VWA8: variants seen among roughly 807,000 people sequenced by gnomAD.
VWA8 encodes the protein von Willebrand factor A domain-containing protein 8.
In VWA8, 221 loss-of-function variants were observed where a neutral mutation model predicts 241.5. The ratio of observed to expected loss-of-function variants is 0.91; its 90% CI spans 0.82 to 1.02. The LOEUF is 1.02. VWA8 is among the 50% of genes least tolerant of loss of function. The pLI is 0.00. For synonymous variants in VWA8, 852 were observed against 827.1 expected (o/e 1.03, Z -0.52); for missense variants, 2,322 against 2,328.7 (o/e 1.00, Z 0.06).
rs2045486146 is a variant in VWA8, at chr13:41,731,817, C to T, written c.2502+263G>A. On this transcript the variant is annotated intron_variant, in intron 22 of 44. Transcript: ENST00000379310. ...GGTTTTACGAGGGGAAACCCCATTG[C>T]TTGGTTCTCATTCTCTCTTGCCTGC... 2.0e-5 allele frequency among the ~76,000 whole-genome samples: 3 copies of T among 152,152 alleles called. No homozygotes were observed. In the South Asian group the frequency reaches 6.2e-4, roughly 32 times the overall value.
rs188890967 is a variant in VWA8 at position 41,710,164 on chromosome 13, A to G, written c.3117-6753T>C. ...ACGGCAATTTGCAAACTACTATGGT[A>G]AATTTTCCCTTTGCATTCTGATTAC... On this transcript the variant is annotated intron_variant, in intron 26 of 44. Transcript: ENST00000379310. 2.6e-5 allele frequency among the ~76,000 whole-genome samples: 4 copies of G among 152,300 alleles called. No individual in the cohort carries two copies. In the East Asian group the frequency reaches 7.7e-4, roughly 29 times the overall value.
At chr13:41,655,087 G>A (rs1398736031) in intron 37 of VWA8, among the ~76,000 whole-genome samples, 1 of 150,686 alleles carries the variant, frequency 6.6e-6, no homozygotes, top group African/African-American at 2.5e-5. Context: ...AGGAAAAACT[G>A]AAATTTTTTT....
rs569702896 is a variant in VWA8 at position 41,921,197 on chromosome 13, T to A, written c.242-9029A>T. Among the ~76,000 whole-genome samples the A allele has an allele frequency of 3.3e-5, 5 of 152,302 alleles. No individual in the cohort carries two copies. The East Asian group carries it at 9.7e-4, about 29-fold the overall frequency. On this transcript the variant is annotated intron_variant, in intron 2 of 44. Coordinates refer to ENST00000379310, the MANE Select transcript of VWA8 (RefSeq NM_015058.2). ...CCAAAGACAAAAAACCACATGATTA[T>A]CTCAATAGATGCAGAAAAGGCCTTC...
At chr13:41,569,776 GAA>G (rs1423849185) in intron 44 of VWA8, among the ~76,000 whole-genome samples, 8 of 151,918 alleles carry the variant, frequency 5.3e-5, no homozygotes, top group African/African-American at 1.9e-4. Context: ...TTCAAGTTAT[GAA>G]AGTGTTTCCA....
chr13:41,800,337 A>G (rs1869892520), intron 17 of VWA8, among the ~76,000 whole-genome samples: 1 of 152,140 alleles, frequency 6.6e-6, no homozygotes, highest in Non-Finnish European at 1.5e-5. Flanking sequence ...TACCTCTGAT[A>G]TGCTCTTCCT....
chr13:41,591,184 T>C (rs2044452215), intron 40 of VWA8, among the ~76,000 whole-genome samples: 1 of 152,244 alleles, frequency 6.6e-6, no homozygotes, highest in Non-Finnish European at 1.5e-5. Context: ...GGTAAAGAGT[T>C]TGTTACTCAA....
At chr13:41,909,811 C>T (rs190383939) in intron 3 of VWA8, among the ~76,000 whole-genome samples, 15 of 152,304 alleles carry the variant, frequency 9.8e-5, no homozygotes, top group Admixed American at 8.5e-4. Flanking sequence ...ATGGAGGAGG[C>T]AGCAGTGGTA....
chr13:41,833,763 GT>G (rs140206877), intron 12 of VWA8, among the ~76,000 whole-genome samples: 2 of 151,946 alleles, frequency 1.3e-5, no homozygotes, highest in African/African-American at 4.8e-5. Flanking sequence ...AGAGTGAGAG[GT>G]TTTTTTCCCT....
rs780476575 is a variant in VWA8 at position 41,865,320 on chromosome 13, C to G, written c.1425+416G>C. 8 of 391,002 alleles carry G rather than the reference C, an allele frequency of 2.0e-5. No individual in the cohort carries two copies. The East Asian group carries it at 7.2e-4, about 35-fold the overall frequency. 24.2% of individuals were successfully genotyped at this position (391,002 alleles called of 1,614,324 possible). On this transcript the variant is annotated intron_variant, in intron 12 of 44. Coordinates refer to ENST00000379310, the MANE Select transcript of VWA8 (RefSeq NM_015058.2). Reference sequence around the variant, plus strand: ...CATTTATCTTTTCTTTATGCTGGAACATTTGAATTATTAACTACTAGCTAT... The same window carrying G: ...CATTTATCTTTTCTTTATGCTGGAAGATTTGAATTATTAACTACTAGCTAT...
intron 9 of VWA8, 55 bp from the exon 10 acceptor site, chr13:41,868,532 G>A: frequency 3.2e-6 from 5 of 1,555,460 alleles, no homozygotes; most frequent in Non-Finnish European, 4.4e-6. Flanking sequence ...CATTAACATT[G>A]GCTATCTGAC....
At chr13:41,863,409 G>A (rs1210141837) in intron 12 of VWA8, among the ~76,000 whole-genome samples, 2 of 52,894 alleles carry the variant, frequency 3.8e-5, no homozygotes, top group Non-Finnish European at 7.2e-5. Flanking sequence ...GTGTGTGTGT[G>A]TGTGTGTGTG....
At chr13:41,674,820 T>C (rs1168530734) in intron 36 of VWA8, among the ~76,000 whole-genome samples, 8 of 152,306 alleles carry the variant, frequency 5.3e-5, no homozygotes, top group African/African-American at 1.9e-4. Flanking sequence ...ATCAAAACAA[T>C]ATTAAAGAAA....
At chr13:41,938,328 G>A (rs1274108414) in intron 2 of VWA8, among the ~76,000 whole-genome samples, 1 of 152,072 alleles carries the variant, frequency 6.6e-6, no homozygotes, top group Non-Finnish European at 1.5e-5. Context: ...AAACGTTGAT[G>A]AGCCTCTTCC....
rs11288349 is a variant in VWA8 at position 41,846,048 on chromosome 13, C to CT, written c.1426-12518dup. ...TTGCCTCATAATAAGCTTTTTAGTT[C>CT]TTTTTTTTTTTTTTAAGAGACAGGT... On this transcript the variant is annotated intron_variant, in intron 12 of 44. Coordinates refer to ENST00000379310, the MANE Select transcript of VWA8 (RefSeq NM_015058.2). 4.1e-3 allele frequency among the ~76,000 whole-genome samples: 586 copies of CT among 142,438 alleles called. 5 individuals are homozygous for CT. Among genetic ancestry groups the CT allele is most frequent in the South Asian group, 0.023 (103 of 4,404 alleles). 93.4% of individuals were successfully genotyped at this position (142,438 alleles called of 152,430 possible). A position where few individuals can be genotyped will look rare whatever the true frequency, so the allele number is the denominator to read the frequency against.
Position 41,685,134 on chromosome 13 carries a change from T to C in VWA8, c.4240A>G (p.Ser1414Gly). Residue 1414 changes from serine to glycine, a missense_variant, in exon 35 of 45, where the codon AGC (serine) becomes GGC (glycine). By Grantham distance (56) the Ser-to-Gly change is moderately conservative. Transcript: ENST00000379310. ...GTATCTAAAAGAGTCACACAATTGC[T>C]TTGTTTTGGAGTCCCCCTTTTCTTC... ...GKKKRGTPKQ[S>G]NCVTLLDTNQ... 6 of 1,613,660 alleles carry C rather than the reference T, an allele frequency of 3.7e-6. No homozygotes were observed. The highest frequency in any genetic ancestry group is 5.1e-6 in the Non-Finnish European group (6 of 1,179,756).
chr13:41,710,980 A>G (rs2045312440), intron 26 of VWA8, among the ~76,000 whole-genome samples: 1 of 152,230 alleles, frequency 6.6e-6, no homozygotes, highest in African/African-American at 2.4e-5. Flanking sequence ...TTCTAGGCAG[A>G]TGTCCTTTCA....
intron 19 of VWA8, among the ~76,000 whole-genome samples, chr13:41,778,475 C>T (rs1197153652): frequency 2.0e-5 from 3 of 152,236 alleles, no homozygotes. Flanking sequence ...ACCTTTAAAG[C>T]TATGGATAGC....
rs35506856 is a variant in VWA8 at position 41,949,031 on chromosome 13, T to TAAAAAAAA, written c.241+897_241+904dup. ...AACAAGCAAAACTAATCTACCATCA[T>TAAAAAAAA]AAAAAAAAAAAAAAAAAAAAAAAAA... is the stretch of plus-strand genomic sequence containing the variant. On this transcript the variant is annotated intron_variant, in intron 2 of 44. Coordinates refer to ENST00000379310, the MANE Select transcript of VWA8 (RefSeq NM_015058.2). 1.5e-3 allele frequency among the ~76,000 whole-genome samples: 94 copies of TAAAAAAAA among 63,390 alleles called. 3 individuals carry two copies. The highest frequency in any genetic ancestry group is 1.7e-3 in the Non-Finnish European group (60 of 34,950). 41.6% of individuals were successfully genotyped at this position (63,390 alleles called of 152,430 possible). A position where few individuals can be genotyped will look rare whatever the true frequency, so the allele number is the denominator to read the frequency against.
intron 9 of VWA8, among the ~76,000 whole-genome samples, chr13:41,879,686 TTAAG>T (rs2138068839): frequency 6.6e-6 from 1 of 152,114 alleles, no homozygotes; most frequent in East Asian, 1.9e-4. Context: ...AAAATACCAC[TTAAG>T]TAATTAGAAT....
Sources: allele counts gnomAD v4.1 joint callset (sites outside exome capture counted in the v4.1 genomes callset), GRCh38; gene constraint gnomAD v4.1.1; transcripts MANE v1.5; gene names NCBI Gene and HGNC (gene_info 2026-07-23, HGNC 2026-07-21).